The following WWOX variants were observed in gnomAD, a reference collection of about 807,000 sequenced individuals.
The protein encoded by WWOX is WW domain-containing oxidoreductase.
A neutral mutation model predicts 46.2 loss-of-function variants in WWOX; 69 were observed. The observed-to-expected ratio is 1.49, with a 90% CI of 1.23 to 1.82. WWOX has a LOEUF of 1.82. Ranked by LOEUF, WWOX falls within the 40% of genes most tolerant of loss-of-function variation. The pLI, the probability that WWOX is intolerant of heterozygous loss-of-function variation, is 0.00. For synonymous variants in WWOX, 359 were observed against 202.6 expected, an observed-to-expected ratio of 1.77 and a Z score of -6.56; for missense variants, 919 against 542.6, an observed-to-expected ratio of 1.69 and a Z score of -6.89.
chr16:78,820,908 T>A (rs565623068), intron 8 of WWOX, among the ~76,000 whole-genome samples: 2 of 152,296 alleles, frequency 1.3e-5, no homozygotes, highest in South Asian at 4.1e-4. Flanking sequence ...TAATCTCTAC[T>A]TCCTCCCTTA....
In WWOX at chr16:79,212,452, A is replaced by C; in HGVS notation, c.*656A>C. The C allele has an allele frequency of 3.9e-6, 1 of 255,202 alleles. No homozygotes were observed. The highest frequency in any genetic ancestry group is 9.0e-5 in the South Asian group (1 of 11,096). The allele number at this position is 255,202 out of a possible 1,614,324, so 15.8% of individuals were successfully genotyped here. On this transcript the variant is annotated 3_prime_UTR_variant, in exon 9 of 9. Transcript: ENST00000566780. ...CAAAAAATTCTTTAGAGATTATAAC[A>C]AATTTTTCAAATCATTCCTTAGATA...
At chr16:78,198,725 C>T (rs779594163) in intron 5 of WWOX, among the ~76,000 whole-genome samples, 10 of 152,132 alleles carry the variant, frequency 6.6e-5, no homozygotes, top group Non-Finnish European at 1.2e-4. Context: ...TATCACCTTC[C>T]TCCCATTATG....
chr16:79,115,364 G>C (rs900906090), intron 8 of WWOX, among the ~76,000 whole-genome samples: 1 of 152,158 alleles, frequency 6.6e-6, no homozygotes, highest in African/African-American at 2.4e-5. Context: ...GACTTATATG[G>C]TGCAGGGTGG....
chr16:79,026,614 CT>C (rs748965500), intron 8 of WWOX, among the ~76,000 whole-genome samples: 1,050 of 101,068 alleles, frequency 0.01, 19 homozygotes, highest in East Asian at 0.073. Context: ...GTGGTAGACT[CT>C]TTTTTTTTTT....
At chr16:78,135,913 G>C (rs2033775038) in intron 4 of WWOX, among the ~76,000 whole-genome samples, 1 of 152,162 alleles carries the variant, frequency 6.6e-6, no homozygotes, top group South Asian at 2.1e-4. Context: ...ATGCAAATGT[G>C]GGTGGGTGAT....
At chr16:78,917,890 A>G (rs906625828) in intron 8 of WWOX, among the ~76,000 whole-genome samples, 1 of 152,134 alleles carries the variant, frequency 6.6e-6, no homozygotes, top group Non-Finnish European at 1.5e-5. Context: ...GTTTTTTAAA[A>G]CAAAAAAAAG....
rs116488485 is a variant in WWOX, at chr16:78,212,243, G to C, written c.516+47954G>C. Among the ~76,000 whole-genome samples, 894 of 152,284 alleles carry C rather than the reference G, an allele frequency of 5.9e-3. 8 individuals carry two copies. The highest frequency in any genetic ancestry group is 0.02 in the African/African-American group (828 of 41,588). ...AAGGAAAGCTCACTCCATGGAAAAG[G>C]GGGGATTGATTTCTTCTCTGAGGGC... On this transcript the variant is annotated intron_variant, in intron 5 of 8. Coordinates refer to ENST00000566780, the MANE Select transcript of WWOX (RefSeq NM_016373.4).
intron 8 of WWOX, among the ~76,000 whole-genome samples, chr16:78,720,759 G>C (rs893288692): frequency 6.6e-6 from 1 of 151,986 alleles, no homozygotes; most frequent in Admixed American, 6.6e-5. Context: ...CTAGAATTTA[G>C]GGTTATTCTC....
intron 5 of WWOX, chr16:78,355,693 C>T (rs76286129): frequency 0.11 from 76,479 of 723,714 alleles, 10,074 homozygotes; most frequent in East Asian, 0.3. Context: ...TCTTGGGAGA[C>T]GTGGAAGAAA....
intron 8 of WWOX, among the ~76,000 whole-genome samples, chr16:78,434,016 C>G (rs577187653): frequency 6.6e-6 from 1 of 152,128 alleles, no homozygotes; most frequent in South Asian, 2.1e-4. Flanking sequence ...GTCTCAATCT[C>G]CTGACCTCGT....
intron 8 of WWOX, among the ~76,000 whole-genome samples, chr16:78,753,856 G>GTATATGTATA (rs2049563701): frequency 1.7e-5 from 1 of 59,326 alleles, no homozygotes; most frequent in African/African-American, 6.0e-5. Flanking sequence ...ATATATATAT[G>GTATATGTATA]TATATGTATA....
chr16:78,358,948 G>T (rs71396176), intron 5 of WWOX, among the ~76,000 whole-genome samples: 2,635 of 144,996 alleles, frequency 0.018, 43 homozygotes, highest in Non-Finnish European at 0.03. Context: ...CAGTTGTACT[G>T]ACTTGACATT....
At chr16:78,532,821 C>T (rs1402051677) in intron 8 of WWOX, among the ~76,000 whole-genome samples, 1 of 152,116 alleles carries the variant, frequency 6.6e-6, no homozygotes, top group African/African-American at 2.4e-5. Context: ...CAGTTACCTC[C>T]CACCTGGTCC....
intron 8 of WWOX, among the ~76,000 whole-genome samples, chr16:79,162,558 G>A (rs536463679): frequency 6.6e-6 from 1 of 152,270 alleles, no homozygotes; most frequent in East Asian, 1.9e-4. Context: ...TGAAGACACA[G>A]GGATACCCTT....
In WWOX at chr16:78,230,498, C is replaced by A. The variant is rs138104720; in HGVS notation, c.516+66209C>A. Among the ~76,000 whole-genome samples the A allele has an allele frequency of 1.6e-3, 249 of 152,294 alleles. 4 individuals are homozygous for A. The highest frequency in any genetic ancestry group is 5.6e-3 in the African/African-American group (234 of 41,564). ...ATCATATAAAAGTAAACTAAAATTG[C>A]ATTTGAATTAATTGATGAACATGTT... On this transcript the variant is annotated intron_variant, in intron 5 of 8. Transcript: ENST00000566780.
chr16:78,444,056 C>T (rs907241893), intron 8 of WWOX, among the ~76,000 whole-genome samples: 1 of 152,136 alleles, frequency 6.6e-6, no homozygotes, highest in Non-Finnish European at 1.5e-5. Context: ...GTTTTCCTAG[C>T]AAAAACAAAG....
chr16:78,935,172 C>T (rs1054685661), intron 8 of WWOX, among the ~76,000 whole-genome samples: 1 of 152,142 alleles, frequency 6.6e-6, no homozygotes, highest in African/African-American at 2.4e-5. Context: ...TAAACCAGTT[C>T]AACCATTGTG....
intron 8 of WWOX, among the ~76,000 whole-genome samples, chr16:78,495,512 T>C (rs372600457): frequency 0.75 from 105,552 of 141,396 alleles, 40,692 homozygotes; most frequent in Admixed American, 0.86. Context: ...AAAATGGTCT[T>C]TTTTTTTTTT....
intron 8 of WWOX, among the ~76,000 whole-genome samples, chr16:78,993,791 G>C (rs1376638476): frequency 3.9e-5 from 6 of 152,204 alleles, no homozygotes; most frequent in African/African-American, 1.4e-4. Flanking sequence ...GTGGCTTTTC[G>C]TGGTGCAGCT....
Sources: gnomAD v4.1 joint callset for allele counts (sites outside exome capture counted in the v4.1 genomes callset) on GRCh38, gnomAD v4.1.1 for gene constraint, MANE v1.5 for transcripts, NCBI Gene and HGNC (gene_info 2026-07-23, HGNC 2026-07-21) for gene names.